The following NRXN1 variants were observed in gnomAD, a reference collection of about 807,000 sequenced individuals.
The protein encoded by NRXN1 is neurexin-1.
In NRXN1, 39 loss-of-function variants were observed where a neutral mutation model predicts 150.9. The observed-to-expected ratio is 0.26, with a 90% CI of 0.20 to 0.34. NRXN1 has a LOEUF of 0.34. Ranked by LOEUF, NRXN1 falls within the 10% of genes least tolerant of loss-of-function variation. The pLI, the probability that NRXN1 is intolerant of heterozygous loss-of-function variation, is 1.00. For missense variants in NRXN1, 1,815 were observed against 1,949.9 expected (o/e 0.93, Z 1.30); for synonymous variants, 924 against 757.0 (o/e 1.22, Z -3.62).
At chr2:50,224,732 A>C (rs2064209304) in intron 18 of NRXN1, among the ~76,000 whole-genome samples, 1 of 135,956 alleles carries the variant, frequency 7.4e-6, no homozygotes, top group Non-Finnish European at 1.6e-5. Flanking sequence ...AGAGAGAGAG[A>C]GAATGGTTAA....
At chr2:50,422,394 A>T (rs1245042753) in intron 17 of NRXN1, among the ~76,000 whole-genome samples, 1 of 152,184 alleles carries the variant, frequency 6.6e-6, no homozygotes, top group African/African-American at 2.4e-5. Context: ...CCAGAGAAAG[A>T]CAACCATGAA....
intron 8 of NRXN1, among the ~76,000 whole-genome samples, chr2:50,607,321 C>T (rs1272992792): frequency 6.6e-6 from 1 of 152,064 alleles, no homozygotes; most frequent in African/African-American, 2.4e-5. Flanking sequence ...TTCATCTAAT[C>T]ACCAAGAAAA....
chr2:50,875,217 A>G (rs571117674), intron 5 of NRXN1, among the ~76,000 whole-genome samples: 2 of 151,816 alleles, frequency 1.3e-5, no homozygotes, highest in South Asian at 4.2e-4. Context: ...TGACATCACT[A>G]TATTACAATT....
At chr2:50,518,451 T>A (rs904875559) in intron 12 of NRXN1, among the ~76,000 whole-genome samples, 2 of 151,996 alleles carry the variant, frequency 1.3e-5, no homozygotes, top group African/African-American at 4.8e-5. Flanking sequence ...ATGTATTCAG[T>A]GTTTGTGTAG....
intron 17 of NRXN1, among the ~76,000 whole-genome samples, chr2:50,252,712 C>G (rs766949648): frequency 6.6e-6 from 1 of 151,992 alleles, no homozygotes; most frequent in African/African-American, 2.4e-5. Context: ...TCAGGTTTGT[C>G]GAAGATCAGG....
At chr2:50,404,762 G>GA (rs943613461) in intron 17 of NRXN1, among the ~76,000 whole-genome samples, 2 of 152,064 alleles carry the variant, frequency 1.3e-5, no homozygotes, top group Non-Finnish European at 2.9e-5. Flanking sequence ...TAAGGATCAG[G>GA]AAAAAGGCCT....
At position 49,920,927 on chromosome 2, in the gene NRXN1, T is replaced by C. The variant is rs1668084833; in HGVS notation, c.*1017A>G. On this transcript the variant is annotated 3_prime_UTR_variant, in exon 23 of 23. Transcript: ENST00000401669. ...GAGTCTTTGTATATACATTCATACA[T>C]ATCTTCCTTAGAATAAACACTACAC... 1 of 152,528 alleles carries C rather than the reference T, an allele frequency of 6.6e-6. No homozygotes were observed. The highest frequency in any genetic ancestry group is 1.5e-5 in the Non-Finnish European group (1 of 68,022). The allele number at this position is 152,528 out of a possible 1,614,324, so 9.4% of individuals were successfully genotyped here. A position where few individuals can be genotyped will look rare whatever the true frequency, so the allele number is the denominator to read the frequency against.
At chr2:50,385,585 T>C (rs942838847) in intron 17 of NRXN1, among the ~76,000 whole-genome samples, 9 of 152,182 alleles carry the variant, frequency 5.9e-5, no homozygotes, top group Admixed American at 5.9e-4. Flanking sequence ...CATTTTCGTA[T>C]TTCTTTTCCT....
intron 17 of NRXN1, among the ~76,000 whole-genome samples, chr2:50,303,257 A>T (rs1712891): frequency 0.56 from 85,720 of 152,048 alleles, 24,385 homozygotes; most frequent in Middle Eastern, 0.59. Flanking sequence ...ATTTTCACAT[A>T]TCTATGCATG....
Position 50,922,676 on chromosome 2 carries a change from G to T in NRXN1, c.802C>A (p.Leu268Met). ...EDNNVEGLAH[L>M]MMGDQGKSKG... The stretch of plus-strand genomic sequence containing the variant: ...CCCATACCTTGGTCGCCCATCATCA[G>T]GTGCGCCAGACCTTGAAGGGAAACA... The change falls in exon 4 of 23, where the codon CTG (leucine) becomes ATG (methionine). Residue 268 changes from leucine to methionine, a missense_variant. Leu to Met is a conservative substitution (Grantham distance 15). Coordinates refer to ENST00000401669, the MANE Select transcript of NRXN1 (RefSeq NM_001330078.2). 6.2e-7 allele frequency: 1 copy of T among 1,610,588 alleles called. No individual in the cohort carries two copies. Among genetic ancestry groups the T allele is most frequent in the East Asian group, 2.2e-5 (1 of 44,546 alleles).
At chr2:50,836,876 G>C (rs1455721520) in intron 5 of NRXN1, among the ~76,000 whole-genome samples, 1 of 148,566 alleles carries the variant, frequency 6.7e-6, no homozygotes, top group Non-Finnish European at 1.5e-5. Flanking sequence ...AAATATGACT[G>C]TGGCAGCATC....
intron 5 of NRXN1, among the ~76,000 whole-genome samples, chr2:50,791,587 G>T (rs1424605894): frequency 6.6e-6 from 1 of 152,126 alleles, no homozygotes; most frequent in Non-Finnish European, 1.5e-5. Flanking sequence ...GCACACTGGA[G>T]ATCACAGAAG....
At chr2:50,482,204 G>A (rs1033016362) in intron 15 of NRXN1, among the ~76,000 whole-genome samples, 1 of 152,142 alleles carries the variant, frequency 6.6e-6, no homozygotes, top group East Asian at 1.9e-4. Context: ...GAAACCTGGT[G>A]GGCATGCTAA....
chr2:50,220,691 A>C (rs1310538764), intron 18 of NRXN1, among the ~76,000 whole-genome samples: 1 of 152,042 alleles, frequency 6.6e-6, no homozygotes, highest in Non-Finnish European at 1.5e-5. Flanking sequence ...TGTGAATACC[A>C]AAATATATTA....
chr2:50,027,641 A>C (rs907346563), intron 21 of NRXN1, among the ~76,000 whole-genome samples: 3 of 152,030 alleles, frequency 2.0e-5, no homozygotes, highest in Non-Finnish European at 4.4e-5. Context: ...AGGGTTTCCC[A>C]GCTTGGCCTT....
At chr2:50,875,420 A>G (rs1678423793) in intron 5 of NRXN1, among the ~76,000 whole-genome samples, 1 of 151,750 alleles carries the variant, frequency 6.6e-6, no homozygotes, top group Admixed American at 6.6e-5. Flanking sequence ...GATGAGTAAC[A>G]TATATTAGTT....
At chr2:50,500,741 T>C (rs984532863) in intron 13 of NRXN1, among the ~76,000 whole-genome samples, 1 of 152,170 alleles carries the variant, frequency 6.6e-6, no homozygotes, top group East Asian at 1.9e-4. Context: ...TGTGTTTGTA[T>C]AGAAATCTCA....
intron 19 of NRXN1, among the ~76,000 whole-genome samples, chr2:50,059,002 A>T (rs1386783792): frequency 2.0e-5 from 3 of 152,164 alleles, no homozygotes; most frequent in Non-Finnish European, 4.4e-5. Flanking sequence ...GTACTGGTAA[A>T]GTGGAGTACT....
chr2:50,235,949 T>C (rs1410791478), intron 18 of NRXN1, among the ~76,000 whole-genome samples: 1 of 152,106 alleles, frequency 6.6e-6, no homozygotes, highest in Admixed American at 6.6e-5. Flanking sequence ...ATCAATAAAA[T>C]ATTCATATCT....
Sources: allele counts gnomAD v4.1 joint callset (sites outside exome capture counted in the v4.1 genomes callset), GRCh38; gene constraint gnomAD v4.1.1; transcripts MANE v1.5; gene names NCBI Gene and HGNC (gene_info 2026-07-23, HGNC 2026-07-21).